Variants in DTNA observed in about 807,000 individuals in gnomAD.
The protein encoded by DTNA is dystrobrevin alpha.
Under a neutral mutation model 100.7 loss-of-function variants are expected in DTNA, and 43 were observed. The ratio of observed to expected loss-of-function variants is 0.43; its 90% confidence interval spans 0.33 to 0.55. The LOEUF is 0.55. DTNA is among the 20% of genes least tolerant of loss of function. The probability of loss-of-function intolerance (pLI) is 0.04; values close to 1 mark genes in which losing one functional copy is unlikely to be tolerated. For synonymous variants in DTNA, 349 were observed against 347.9 expected (o/e 1.00, Z -0.04); for missense variants, 798 against 953.9 (o/e 0.84, Z 2.15).
chr18:34,506,589 A>G (rs1412078262), intron 1 of DTNA, among the ~76,000 whole-genome samples: 3 of 152,116 alleles, frequency 2.0e-5, no homozygotes, highest in East Asian at 1.9e-4. Flanking sequence ...TTATCTAGCT[A>G]TGATGCTCCT....
At chr18:34,771,707 G>A (rs1209509172) in intron 3 of DTNA, among the ~76,000 whole-genome samples, 1 of 152,124 alleles carries the variant, frequency 6.6e-6, no homozygotes, top group Non-Finnish European at 1.5e-5. Flanking sequence ...ATTCTAGGAG[G>A]AATGGAGCAG....
rs1699520734 is a variant in DTNA at position 34,891,263 on chromosome 18, G to A, written c.*3529G>A. The A allele has an allele frequency of 7.1e-6, 1 of 140,824 alleles. No homozygotes were observed. Among genetic ancestry groups the A allele is most frequent in the African/African-American group, 2.9e-5 (1 of 34,852 alleles). 8.7% of individuals were successfully genotyped at this position (140,824 alleles called of 1,614,324 possible). ...GATTTTTGTATTGCTGTTAAGTATTGTTTTGTGTGTGTGTGTGTGTGTGTG... is the reference window on the plus strand; with the variant it reads ...GATTTTTGTATTGCTGTTAAGTATTATTTTGTGTGTGTGTGTGTGTGTGTG... On this transcript the variant is annotated 3_prime_UTR_variant, in exon 23 of 23. Transcript: ENST00000444659.
intron 1 of DTNA, among the ~76,000 whole-genome samples, chr18:34,550,230 G>C (rs996804859): frequency 2.0e-5 from 3 of 152,124 alleles, no homozygotes; most frequent in Non-Finnish European, 4.4e-5. Flanking sequence ...GGAATTGGCA[G>C]GATGAGAGTG....
At chr18:34,685,766 A>C (rs2078804873) in intron 1 of DTNA, among the ~76,000 whole-genome samples, 3 of 152,212 alleles carry the variant, frequency 2.0e-5, no homozygotes, top group African/African-American at 7.2e-5. Context: ...CTTCCTATCC[A>C]TGAGCATGGA....
intron 3 of DTNA, among the ~76,000 whole-genome samples, chr18:34,781,605 C>T (rs1030443804): frequency 1.3e-5 from 2 of 152,058 alleles, no homozygotes; most frequent in Non-Finnish European, 2.9e-5. Context: ...TGATTAACCA[C>T]CTAGAGATCT....
intron 1 of DTNA, among the ~76,000 whole-genome samples, chr18:34,555,730 GGTCTGAGAGATA>G (rs1315432806): frequency 1.3e-5 from 2 of 152,038 alleles, no homozygotes; most frequent in African/African-American, 2.4e-5. Flanking sequence ...ATTGCACTGT[GGTCTGAGAGATA>G]GTTTGTTATT....
At chr18:34,671,619 C>T (rs551645411) in intron 1 of DTNA, among the ~76,000 whole-genome samples, 7 of 152,296 alleles carry the variant, frequency 4.6e-5, no homozygotes, top group South Asian at 4.1e-4. Flanking sequence ...TGCATGCAAA[C>T]GTTTTCTCTC....
chr18:34,682,431 G>T (rs2078265236), intron 1 of DTNA, among the ~76,000 whole-genome samples: 1 of 152,106 alleles, frequency 6.6e-6, no homozygotes, highest in Admixed American at 6.6e-5. Context: ...AATATGTTTA[G>T]TTTTGTAAGA....
At chr18:34,647,584 C>T (rs1293798620) in intron 1 of DTNA, among the ~76,000 whole-genome samples, 1 of 152,188 alleles carries the variant, frequency 6.6e-6, no homozygotes. Flanking sequence ...TTTGCCACAC[C>T]TACCGTTCCA....
rs752828928 is a variant in DTNA at position 34,881,437 on chromosome 18, C to CTTTTTTTTT, written c.2163-615_2163-607dup. Among the ~76,000 whole-genome samples the CTTTTTTTTT allele has an allele frequency of 5.6e-4, 29 of 51,392 alleles. 5 individuals are homozygous for CTTTTTTTTT. Among genetic ancestry groups the CTTTTTTTTT allele is most frequent in the African/African-American group, 1.8e-3 (22 of 11,948 alleles). The allele number at this position is 51,392 out of a possible 152,430, so 33.7% of individuals were successfully genotyped here. A position where few individuals can be genotyped will look rare whatever the true frequency, so the allele number is the denominator to read the frequency against. On this transcript the variant is annotated intron_variant, in intron 20 of 22. Coordinates refer to ENST00000444659, the MANE Select transcript of DTNA (RefSeq NM_001386795.1). Reference sequence around the variant, plus strand: ...ATAGTGGAATTGGATAATTAAAATGCTTTTTTTTTTTTTTTTTTTTTTTTT... The same window carrying CTTTTTTTTT: ...ATAGTGGAATTGGATAATTAAAATGCTTTTTTTTTTTTTTTTTTTTTTTTTTTTTTTTTT...
In DTNA at chr18:34,586,009, G is replaced by T. The variant is rs773117542; in HGVS notation, c.-2+92495G>T. 3.5e-4 allele frequency among the ~76,000 whole-genome samples: 54 copies of T among 152,180 alleles called. 1 individual carries two copies. The highest frequency in any genetic ancestry group is 6.3e-4 in the Non-Finnish European group (43 of 68,024). Reference sequence around the variant, plus strand: ...TGGAGGGCTCCTGGAGTCCCCACAGGGACTGCCTCATGGAGGAGGGGGCTG... The same window carrying T: ...TGGAGGGCTCCTGGAGTCCCCACAGTGACTGCCTCATGGAGGAGGGGGCTG... On this transcript the variant is annotated intron_variant, in intron 1 of 19. Transcript: ENST00000283365.
chr18:34,853,028 G>T (rs923591052), intron 15 of DTNA, among the ~76,000 whole-genome samples: 6 of 152,188 alleles, frequency 3.9e-5, no homozygotes, highest in African/African-American at 1.4e-4. Flanking sequence ...CTGGAGCCCA[G>T]AACCAGGCCT....
intron 1 of DTNA, among the ~76,000 whole-genome samples, chr18:34,546,767 T>C (rs187206456): frequency 0.044 from 6,596 of 151,146 alleles, 374 homozygotes; most frequent in African/African-American, 0.14. Flanking sequence ...TTCTTTCTTT[T>C]TTTTTTATCT....
chr18:34,521,607 C>T lies in DTNA; in HGVS notation c.-2+28093C>T, dbSNP rs371810478. The stretch of plus-strand genomic sequence containing the variant: ...TCATATTACTCTATTCCTTGACTTC[C>T]GTCCCTCTGCTTCACTGCTGTTCTC... On this transcript the variant is annotated intron_variant, in intron 1 of 19. Transcript: ENST00000283365. 6.6e-5 allele frequency among the ~76,000 whole-genome samples: 10 copies of T among 152,188 alleles called. No homozygotes were observed. The South Asian group carries it at 1.7e-3, about 25-fold the overall frequency.
intron 1 of DTNA, among the ~76,000 whole-genome samples, chr18:34,517,119 C>T (rs1047472234): frequency 2.0e-5 from 3 of 152,076 alleles, no homozygotes; most frequent in African/African-American, 7.2e-5. Context: ...TCCCTCTGTT[C>T]GGGGTCCCTG....
At chr18:34,816,063 A>G (rs1364115193) in intron 7 of DTNA, 49 bp downstream of exon 7, 1 of 1,555,690 alleles carries the variant, frequency 6.4e-7, no homozygotes, top group Admixed American at 1.7e-5. Flanking sequence ...TATTGAAATT[A>G]GGCCATTAGT....
intron 1 of DTNA, among the ~76,000 whole-genome samples, chr18:34,566,881 A>G (rs987061387): frequency 6.6e-6 from 1 of 152,228 alleles, no homozygotes; most frequent in African/African-American, 2.4e-5. Context: ...AAACTGCATT[A>G]TACTTTGAAG....
intron 1 of DTNA, among the ~76,000 whole-genome samples, chr18:34,552,194 A>G (rs1370240432): frequency 6.6e-6 from 1 of 152,078 alleles, no homozygotes; most frequent in Non-Finnish European, 1.5e-5. Context: ...GTCTATATGA[A>G]CAGGTTCCCA....
At chr18:34,548,350 T>C (rs1017554994) in intron 1 of DTNA, among the ~76,000 whole-genome samples, 2 of 152,026 alleles carry the variant, frequency 1.3e-5, no homozygotes, top group African/African-American at 4.8e-5. Flanking sequence ...TAAAGGTCAA[T>C]AGAAAGGTAA....
Sources: gnomAD v4.1 joint callset for allele counts (sites outside exome capture counted in the v4.1 genomes callset) on GRCh38, gnomAD v4.1.1 for gene constraint, MANE v1.5 for transcripts, NCBI Gene and HGNC (gene_info 2026-07-23, HGNC 2026-07-21) for gene names.